THSD4: variants seen among roughly 807,000 people sequenced by gnomAD.
The protein encoded by THSD4 is thrombospondin type-1 domain-containing protein 4.
THSD4 carries 69 observed loss-of-function variants against 119.0 expected under a neutral mutation model. The observed-to-expected ratio is 0.58, with a 90% CI of 0.48 to 0.71. The LOEUF is 0.71. Ranked by LOEUF, THSD4 falls within the 30% of genes least tolerant of loss-of-function variation. THSD4 has a pLI of 0.00. For missense variants in THSD4, 1,393 were observed against 1,391.1 expected, an observed-to-expected ratio of 1.00 and a Z score of -0.02; for synonymous variants, 524 against 540.4, an observed-to-expected ratio of 0.97 and a Z score of 0.42.
intron 8 of THSD4, among the ~76,000 whole-genome samples, chr15:71,676,136 C>T (rs1477289050): frequency 6.6e-6 from 1 of 152,138 alleles, no homozygotes; most frequent in Non-Finnish European, 1.5e-5. Context: ...AAGAGTAGAA[C>T]ATTTTAGAGA....
intron 8 of THSD4, among the ~76,000 whole-genome samples, chr15:71,678,581 G>C (rs1416071080): frequency 6.6e-6 from 1 of 152,218 alleles, no homozygotes; most frequent in Non-Finnish European, 1.5e-5. Context: ...AAACCTTGAA[G>C]TCTTGCAGAT....
At chr15:71,737,129 T>A (rs1451659292) in intron 10 of THSD4, among the ~76,000 whole-genome samples, 1 of 152,266 alleles carries the variant, frequency 6.6e-6, no homozygotes, top group Non-Finnish European at 1.5e-5. Flanking sequence ...TGTTTGCTAT[T>A]TCAAATAATA....
At chr15:71,508,905 A>G (rs2048235403) in intron 7 of THSD4, among the ~76,000 whole-genome samples, 1 of 150,408 alleles carries the variant, frequency 6.6e-6, no homozygotes, top group East Asian at 2.0e-4. Flanking sequence ...GAATTCTTTG[A>G]GCGTGATGCA....
Position 71,780,650 on chromosome 15 carries a change from A to G in THSD4, c.*3276A>G. 2.2e-6 allele frequency: 1 copy of G among 456,684 alleles called. No homozygotes were observed. Among genetic ancestry groups the G allele is most frequent in the African/African-American group, 2.0e-5 (1 of 50,216 alleles). 28.3% of individuals were successfully genotyped at this position (456,684 alleles called of 1,614,324 possible). On this transcript the variant is annotated 3_prime_UTR_variant, in exon 18 of 18. Transcript: ENST00000261862. The stretch of plus-strand genomic sequence containing the variant: ...GCTGTTGGGGACCCCAGGGAGGGCA[A>G]GGCAGCCTGTCCCCGCCCCCAGGGA...
rs577555751 is a variant in THSD4, at chr15:71,417,682, T to G, written c.1152+5859T>G. ...AAATCAAGTAATGTAATTCCTCCAG[T>G]TTTCTTCCTTTTGCTCAGGATTGCT... On this transcript the variant is annotated intron_variant, in intron 7 of 17. Coordinates refer to ENST00000261862, the MANE Select transcript of THSD4 (RefSeq NM_024817.3). Among the ~76,000 whole-genome samples, 167 of 108,558 alleles carry G rather than the reference T, an allele frequency of 1.5e-3. 50 individuals carry two copies. The South Asian group carries it at 0.045, about 29-fold the overall frequency. The allele number at this position is 108,558 out of a possible 152,430, so 71.2% of individuals were successfully genotyped here.
chr15:71,276,544 G>A (rs754076079), intron 6 of THSD4, among the ~76,000 whole-genome samples: 1 of 152,106 alleles, frequency 6.6e-6, no homozygotes, highest in Non-Finnish European at 1.5e-5. Context: ...TTGGGAAGGG[G>A]GAATGGCTAC....
chr15:71,104,688 G>C (rs975224854), intron 1 of THSD4, among the ~76,000 whole-genome samples: 1 of 152,160 alleles, frequency 6.6e-6, no homozygotes, highest in South Asian at 2.1e-4. Context: ...ATTCACACAT[G>C]GAAGGTATAC....
At chr15:71,653,423 G>C (rs886487690) in intron 7 of THSD4, among the ~76,000 whole-genome samples, 1 of 152,196 alleles carries the variant, frequency 6.6e-6, no homozygotes, top group Admixed American at 6.5e-5. Context: ...AACTGAGGGT[G>C]ATTTTGCTCC....
chr15:71,677,716 G>A (rs562898551), intron 8 of THSD4, among the ~76,000 whole-genome samples: 4 of 152,280 alleles, frequency 2.6e-5, no homozygotes, highest in Admixed American at 2.6e-4. Flanking sequence ...TTAGCACCTA[G>A]CTACCCTGGA....
chr15:71,443,543 A>G (rs1595773457), intron 7 of THSD4, among the ~76,000 whole-genome samples: 1 of 152,234 alleles, frequency 6.6e-6, no homozygotes, highest in Non-Finnish European at 1.5e-5. Flanking sequence ...GCAAAGAGGA[A>G]GCATTGAAAC....
At chr15:71,512,865 G>A (rs911854620) in intron 7 of THSD4, among the ~76,000 whole-genome samples, 2 of 152,104 alleles carry the variant, frequency 1.3e-5, no homozygotes, top group African/African-American at 4.8e-5. Flanking sequence ...ACAGGGACTT[G>A]CTTCTTTGCC....
At chr15:71,618,542 GA>G (rs1011803693) in intron 7 of THSD4, among the ~76,000 whole-genome samples, 8 of 152,148 alleles carry the variant, frequency 5.3e-5, no homozygotes, top group African/African-American at 1.9e-4. Context: ...GGAGGGGGTG[GA>G]AATGGGGATG....
At chr15:71,618,948 T>A (rs2050371223) in intron 7 of THSD4, among the ~76,000 whole-genome samples, 1 of 151,922 alleles carries the variant, frequency 6.6e-6, no homozygotes, top group African/African-American at 2.4e-5. Flanking sequence ...AACAAAAACT[T>A]AATTTGGTGG....
chr15:71,519,606 A>T (rs1169424351), intron 7 of THSD4, among the ~76,000 whole-genome samples: 1 of 152,084 alleles, frequency 6.6e-6, no homozygotes, highest in African/African-American at 2.4e-5. Context: ...AAGTGATCCA[A>T]CCGCCTTGGC....
At chr15:71,441,028 A>G (rs2140555529) in intron 7 of THSD4, among the ~76,000 whole-genome samples, 2 of 152,258 alleles carry the variant, frequency 1.3e-5, no homozygotes, top group South Asian at 4.1e-4. Context: ...AGATTATCTT[A>G]AGCAAGTCAT....
chr15:71,599,560 A>G (rs1232884009), intron 7 of THSD4, among the ~76,000 whole-genome samples: 2 of 152,234 alleles, frequency 1.3e-5, no homozygotes, highest in Non-Finnish European at 2.9e-5. Context: ...TCTCAAGGGT[A>G]GAAAGGCCCT....
chr15:71,641,716 G>A (rs2050861506), intron 7 of THSD4, among the ~76,000 whole-genome samples: 1 of 151,892 alleles, frequency 6.6e-6, no homozygotes, highest in Admixed American at 6.6e-5. Flanking sequence ...AGGGAGAAAA[G>A]GGCAAATACT....
At chr15:71,247,194 G>A (rs1051394042) in intron 5 of THSD4, among the ~76,000 whole-genome samples, 8 of 151,100 alleles carry the variant, frequency 5.3e-5, no homozygotes, top group African/African-American at 1.5e-4. Flanking sequence ...CACTGCACCC[G>A]GCCTTGGTTT....
chr15:71,498,680 A>G (rs1303067824), intron 7 of THSD4, among the ~76,000 whole-genome samples: 1 of 152,066 alleles, frequency 6.6e-6, no homozygotes, highest in African/African-American at 2.4e-5. Flanking sequence ...GCACACGGCA[A>G]CCAAGTTAAT....
Sources: gnomAD v4.1 joint callset for allele counts (sites outside exome capture counted in the v4.1 genomes callset) on GRCh38, gnomAD v4.1.1 for gene constraint, MANE v1.5 for transcripts, NCBI Gene and HGNC (gene_info 2026-07-23, HGNC 2026-07-21) for gene names.